FAM186A: variants seen among roughly 807,000 people sequenced by gnomAD.
FAM186A encodes protein FAM186A.
FAM186A carries 163 observed loss-of-function variants against 216.8 expected under a neutral mutation model. The observed-to-expected ratio is 0.75, with a 90% confidence interval of 0.66 to 0.86. FAM186A has a LOEUF of 0.86. Ranked by LOEUF, FAM186A falls within the 40% of genes least tolerant of loss-of-function variation. The pLI is 0.00. For synonymous variants in FAM186A, 805 were observed against 1,025.3 expected, an observed-to-expected ratio of 0.79 and a Z score of 4.10; for missense variants, 2,184 against 2,746.2, an observed-to-expected ratio of 0.80 and a Z score of 4.58.
chr12:50,371,888 C>T (rs1428239839), intron 1 of FAM186A, among the ~76,000 whole-genome samples: 6 of 152,120 alleles, frequency 3.9e-5, no homozygotes. Context: ...TCTTGGCTCA[C>T]GGCAACATCG....
intron 1 of FAM186A, among the ~76,000 whole-genome samples, chr12:50,385,651 A>G (rs1943295933): frequency 1.3e-5 from 2 of 152,222 alleles, no homozygotes; most frequent in South Asian, 4.2e-4. Context: ...CTGTAACCCC[A>G]GCACTTTGGG....
chr12:50,392,883 T>C lies in FAM186A; in HGVS notation c.192+3410A>G, dbSNP rs1183766559. ...GCCCCAGCCTCCCAAAGTTCTGGGA[T>C]TACAGGCGTGAGCCACCGCGCCCAG... is the stretch of plus-strand genomic sequence containing the variant. On this transcript the variant is annotated intron_variant, in intron 1 of 7. Coordinates refer to ENST00000327337, the MANE Select transcript of FAM186A (RefSeq NM_001145475.3). Among the ~76,000 whole-genome samples the C allele has an allele frequency of 8.8e-5, 13 of 148,112 alleles. No homozygotes were observed. The Admixed American group carries it at 8.9e-4, about 10-fold the overall frequency.
At chr12:50,342,755 G>A in intron 4 of FAM186A, among the ~76,000 whole-genome samples, 1 of 145,670 alleles carries the variant, frequency 6.9e-6, no homozygotes, top group Middle Eastern at 3.8e-3. Flanking sequence ...TTACAGGCGT[G>A]AGCCACCGCT....
At chr12:50,358,633 G>A (rs2136095690) in intron 3 of FAM186A, among the ~76,000 whole-genome samples, 1 of 151,610 alleles carries the variant, frequency 6.6e-6, no homozygotes, top group East Asian at 2.0e-4. Flanking sequence ...GTAAAGAAAT[G>A]TTAAAACTCG....
At chr12:50,333,717 T>G (rs1255039313) in intron 5 of FAM186A, among the ~76,000 whole-genome samples, 194 bp downstream of exon 5, 1 of 152,110 alleles carries the variant, frequency 6.6e-6, no homozygotes, top group Non-Finnish European at 1.5e-5. Context: ...ACACCCTGAT[T>G]TCACTAACTT....
intron 1 of FAM186A, among the ~76,000 whole-genome samples, chr12:50,377,572 C>T (rs1405751325): frequency 1.3e-5 from 2 of 152,190 alleles, no homozygotes; most frequent in African/African-American, 4.8e-5. Flanking sequence ...GTGGCTCACG[C>T]CTGTAATCCT....
Position 50,354,753 on chromosome 12 carries a change from T to C in FAM186A, c.2079A>G (p.Lys693=). 1 of 1,540,226 alleles carries C rather than the reference T, an allele frequency of 6.5e-7. No individual in the cohort carries two copies. Among genetic ancestry groups the C allele is most frequent in the South Asian group, 1.2e-5 (1 of 80,474 alleles). Residue 693 remains lysine (K), a synonymous_variant, in exon 4 of 8, where the codon AAA becomes AAG. Coordinates refer to ENST00000327337, the MANE Select transcript of FAM186A (RefSeq NM_001145475.3). Reference sequence around the variant, plus strand: ...ACTCCTCTTCCTTCGGAACAGTCTTTTTGTCAAAAGCCTTTCCTATGTTAT... The same window carrying C: ...ACTCCTCTTCCTTCGGAACAGTCTTCTTGTCAAAAGCCTTTCCTATGTTAT... The part of the protein sequence containing the change: ...KIDNIGKAFD[K]KTVPKEEELL...
intron 3 of FAM186A, among the ~76,000 whole-genome samples, chr12:50,356,591 G>A (rs933180992): frequency 5.3e-5 from 8 of 152,260 alleles, no homozygotes; most frequent in African/African-American, 1.7e-4. Context: ...TGTTACAGGT[G>A]CAAGCCACAG....
chr12:50,342,575 A>C (rs1397624421), intron 4 of FAM186A, among the ~76,000 whole-genome samples: 1 of 149,782 alleles, frequency 6.7e-6, no homozygotes, highest in Non-Finnish European at 1.5e-5. Flanking sequence ...CCTGGGTTCA[A>C]GTGATTTTCC....
chr12:50,350,780 G>A lies in FAM186A; in HGVS notation c.6052C>T (p.His2018Tyr). 1.3e-6 allele frequency: 2 copies of A among 1,551,662 alleles called. No individual in the cohort carries two copies. Among genetic ancestry groups the A allele is most frequent in the African/African-American group, 1.4e-5 (1 of 73,146 alleles). Residue 2018 changes from histidine to tyrosine, a missense_variant, in exon 4 of 8, where the codon CAT (histidine) becomes TAT (tyrosine). Transcript: ENST00000327337. ...AIESFRTFQS[H>Y]FTKYRTPVYQ... ...ACTGGTGTCCTATATTTGGTGAAAT[G>A]GGACTGAAATGTTCTAAATGATTCT...
chr12:50,375,474 G>T (rs764835038), intron 1 of FAM186A, among the ~76,000 whole-genome samples: 1 of 151,212 alleles, frequency 6.6e-6, no homozygotes, highest in Non-Finnish European at 1.5e-5. Context: ...GCTTGAACCC[G>T]GGAGGCAGAG....
At chr12:50,387,112 A>G (rs1298845392) in intron 1 of FAM186A, among the ~76,000 whole-genome samples, 1 of 152,100 alleles carries the variant, frequency 6.6e-6, no homozygotes, top group African/African-American at 2.4e-5. Flanking sequence ...ATTTCAATTC[A>G]GACACCATCT....
chr12:50,375,184 T>A (rs1188698062), intron 1 of FAM186A, among the ~76,000 whole-genome samples: 2 of 150,868 alleles, frequency 1.3e-5, no homozygotes, highest in African/African-American at 4.9e-5. Context: ...TCTCAAAAAA[T>A]AAATAAATAA....
At chr12:50,394,250 T>C (rs1350678716) in intron 1 of FAM186A, among the ~76,000 whole-genome samples, 1 of 152,124 alleles carries the variant, frequency 6.6e-6, no homozygotes, top group Non-Finnish European at 1.5e-5. Flanking sequence ...GTTTTTGTTT[T>C]TGTTTTTTAA....
At chr12:50,365,203 G>A (rs1943076634) in intron 1 of FAM186A, among the ~76,000 whole-genome samples, 1 of 152,076 alleles carries the variant, frequency 6.6e-6, no homozygotes, top group Admixed American at 6.6e-5. Flanking sequence ...CAACAGCAAT[G>A]CACTAGTGAT....
rs1592621003 is a variant in FAM186A, at chr12:50,365,795, C to T, written c.193-2431G>A. The T allele has an allele frequency of 4.0e-6, 3 of 757,148 alleles. No individual in the cohort carries two copies. In the East Asian group the frequency reaches 7.3e-5, roughly 18 times the overall value. The allele number at this position is 757,148 out of a possible 1,614,324, so 46.9% of individuals were successfully genotyped here. ...AGAAGTACAACATGTGATCCGTGCCCATCTGAAAGAATGATGAAGTTCAGG... is the reference window on the plus strand; with the variant it reads ...AGAAGTACAACATGTGATCCGTGCCTATCTGAAAGAATGATGAAGTTCAGG... On this transcript the variant is annotated intron_variant, in intron 1 of 7. Transcript: ENST00000327337.
chr12:50,377,833 T>G (rs199963905), intron 1 of FAM186A, among the ~76,000 whole-genome samples: 1 of 13,918 alleles, frequency 7.2e-5, no homozygotes, highest in East Asian at 2.3e-3. Context: ...AAACTCCACC[T>G]CAAAAAAAAA....
At chr12:50,332,635 C>T (rs1942666599) in intron 5 of FAM186A, among the ~76,000 whole-genome samples, 1 of 152,168 alleles carries the variant, frequency 6.6e-6, no homozygotes, top group African/African-American at 2.4e-5. Flanking sequence ...CATGTTGCTG[C>T]CAACCCATCT....
Position 50,355,015 on chromosome 12 carries a change from T to C in FAM186A, c.1817A>G (p.Lys606Arg). The stretch of plus-strand genomic sequence containing the variant: ...TGAAGAGATATGGTGTTTCTTTCCT[T>C]TTATTTTTCCTTTCTGTGGCTCAGC... ...DTAEPQKGKI[K>R]GKKHHISSGT... Residue 606 changes from lysine to arginine, a missense_variant, in exon 4 of 8, where the codon AAA becomes AGA. By Grantham distance (26) the Lys-to-Arg change is conservative (BLOSUM62 2). Transcript: ENST00000327337. 6.4e-7 allele frequency: 1 copy of C among 1,551,656 alleles called. No homozygotes were observed. Among genetic ancestry groups the C allele is most frequent in the African/African-American group, 1.4e-5 (1 of 73,160 alleles).
Sources: allele counts gnomAD v4.1 joint callset (sites outside exome capture counted in the v4.1 genomes callset), GRCh38; gene constraint gnomAD v4.1.1; transcripts MANE v1.5; gene names NCBI Gene and HGNC (gene_info 2026-07-23, HGNC 2026-07-21).